Variants in RDH13 observed in about 807,000 individuals in gnomAD.
RDH13 encodes the protein retinol dehydrogenase 13 (all-trans and 9-cis).
A neutral mutation model predicts 28.3 loss-of-function variants in RDH13; 35 were observed. That is an observed-to-expected ratio of 1.24 (90% confidence interval 0.95 to 1.64). The LOEUF is 1.64. Ranked by LOEUF, RDH13 falls within the 40% of genes most tolerant of loss-of-function variation. RDH13 has a pLI of 0.00. For missense variants in RDH13, 514 were observed against 446.3 expected (o/e 1.15, Z -1.37); for synonymous variants, 229 against 198.5 (o/e 1.15, Z -1.29).
intron 5 of RDH13, among the ~76,000 whole-genome samples, 171 bp from the exon 6 acceptor site, chr19:55,047,659 G>A (rs184778151): frequency 9.2e-5 from 14 of 152,246 alleles, no homozygotes; most frequent in Middle Eastern, 3.4e-3. Flanking sequence ...CTTGCGGAGC[G>A]GCTCTGCCAC....
chr19:55,051,109 G>A (rs751134072), intron 3 of RDH13: 7 of 152,142 alleles, frequency 4.6e-5, no homozygotes, highest in Non-Finnish European at 1.0e-4. Context: ...CTGGGCACTG[G>A]AAATACAGGG....
At chr19:55,051,337 G>A (rs531491187) in intron 3 of RDH13, among the ~76,000 whole-genome samples, 148 of 152,362 alleles carry the variant, frequency 9.7e-4, no homozygotes, top group South Asian at 2.9e-3. Context: ...GGCGCAGCAC[G>A]GGTAAGGCCC....
At chr19:55,050,616 C>A (rs1193013117) in intron 3 of RDH13, 2 of 152,108 alleles carry the variant, frequency 1.3e-5, no homozygotes, top group African/African-American at 2.4e-5. Flanking sequence ...CGCAAATCTC[C>A]CCTTTTCATA....
intron 2 of RDH13, among the ~76,000 whole-genome samples, chr19:55,057,061 A>G (rs1300231825): frequency 6.6e-6 from 1 of 152,194 alleles, no homozygotes; most frequent in Non-Finnish European, 1.5e-5. Flanking sequence ...ATGCTACAGC[A>G]AGGATGACCG....
chr19:55,056,867 C>A, intron 2 of RDH13, 59 bp from the exon 3 acceptor site: 1 of 1,432,356 alleles, frequency 7.0e-7, no homozygotes. Flanking sequence ...GTACTGACCC[C>A]AGAGACATGA....
exon 3 of RDH13, chr19:55,039,186 AAAC>A (rs2074947474): frequency 6.6e-6 from 1 of 152,256 alleles, no homozygotes; most frequent in African/African-American, 2.4e-5. Context: ...AACAATGGAT[AAAC>A]AACATGTGGT....
chr19:55,041,078 A>G (rs62122049), downstream of RDH13: 21,882 of 152,310 alleles, frequency 0.14, 1,770 homozygotes, highest in Middle Eastern at 0.31. Context: ...GTGAGCCGAG[A>G]TTGCGCCACT....
At chr19:55,064,709 T>C (rs926387501), upstream of RDH13, among the ~76,000 whole-genome samples, 2 of 150,392 alleles carry the variant, frequency 1.3e-5, no homozygotes, top group Admixed American at 1.3e-4. Context: ...GCCTCCTAGG[T>C]TCAAGCGATT....
chr19:55,057,729 C>T (rs1413760670), intron 2 of RDH13, among the ~76,000 whole-genome samples: 1 of 152,064 alleles, frequency 6.6e-6, no homozygotes, highest in African/African-American at 2.4e-5. Flanking sequence ...CCACAATGCC[C>T]AGCCTCCAAT....
downstream of RDH13, chr19:55,044,048 C>G (rs1025255221): frequency 6.6e-6 from 1 of 151,838 alleles, no homozygotes; most frequent in Non-Finnish European, 1.5e-5. Context: ...TCCCGAGTAG[C>G]TGGGACTACA....
Position 55,049,962 on chromosome 19 carries a change from CTCT to C in RDH13, c.341-1202_341-1200del, listed in dbSNP as rs1026204654. ...CCCTTCCTCTTCCCTTTGGAGCTGT[CTCT>C]TTTTTTTTTTTCATTTTTCCTTTTT... On this transcript the variant is annotated intron_variant, in intron 3 of 6. Coordinates refer to ENST00000415061, the MANE Select transcript of RDH13 (RefSeq NM_001145971.2). 4.2e-5 allele frequency among the ~76,000 whole-genome samples: 6 copies of C among 142,412 alleles called. No homozygotes were observed. In the South Asian group the frequency reaches 1.1e-3, roughly 27 times the overall value. 93.4% of individuals were successfully genotyped at this position (142,412 alleles called of 152,430 possible).
chr19:55,063,063 G>GCGTCCGA lies in RDH13; in HGVS notation c.-32_-31insTCGGACG, dbSNP rs1555831241. On this transcript the variant is annotated 5_prime_UTR_variant, in exon 1 of 7. Transcript: ENST00000415061. ...GCCGGGGACAGGCGTCAGGCGTCAG[G>GCGTCCGA]GGTCGGCGCGGAGCTTGCTGCACAC... 7 of 1,334,988 alleles carry GCGTCCGA rather than the reference G, an allele frequency of 5.2e-6. No homozygotes were observed. The highest frequency in any genetic ancestry group is 2.2e-4 in the Middle Eastern group (1 of 4,508). The allele number at this position is 1,334,988 out of a possible 1,614,324, so 82.7% of individuals were successfully genotyped here.
chr19:55,052,587 G>GGCTCAAGCAATCCTCCCACCTCCACCTCC (rs1302212160), intron 3 of RDH13, among the ~76,000 whole-genome samples: 11 of 150,336 alleles, frequency 7.3e-5, no homozygotes, highest in African/African-American at 2.7e-4. Flanking sequence ...CAACCTCCCA[G>GGCTCAAGCAATCCTCCCACCTCCACCTCC]GCTCAAGCAA....
At chr19:55,054,501 G>A (rs914265172) in intron 3 of RDH13, among the ~76,000 whole-genome samples, 4 of 152,096 alleles carry the variant, frequency 2.6e-5, no homozygotes, top group African/African-American at 9.7e-5. Flanking sequence ...CAGGAGAATC[G>A]CTTGAACCCA....
At chr19:55,063,271 G>A (rs1380327572), upstream of RDH13, 4 of 394,722 alleles carry the variant, frequency 1.0e-5, no homozygotes, top group African/African-American at 8.3e-5. Context: ...GCTGGGATTG[G>A]TGGTTTCAGG....
chr19:55,051,314 G>A (rs775828), intron 3 of RDH13, among the ~76,000 whole-genome samples: 88,123 of 152,148 alleles, frequency 0.58, 25,902 homozygotes, highest in East Asian at 0.79. Flanking sequence ...AGGGAAGGGG[G>A]ATGCAGGCAG....
rs17296594 is a variant in RDH13, at chr19:55,047,388, G to A, written c.759C>T (p.Leu253=). ...IHGSTFSSTT[L]GPIFWLLVKS... is the part of the protein sequence containing the mutation. Reference sequence around the variant, plus strand: ...ACCCCAGGCTGGGAGGGGACTCACCGAGTGTGGTGCTGGAGAAGGTGGAGC... The same window carrying A: ...ACCCCAGGCTGGGAGGGGACTCACCAAGTGTGGTGCTGGAGAAGGTGGAGC... Residue 253 remains leucine (L), a splice_region_variant and synonymous_variant, in exon 6 of 7, where the codon CTC becomes CTT. Transcript: ENST00000415061. 2,938 of 1,611,364 alleles carry A rather than the reference G, an allele frequency of 1.8e-3. 35 individuals are homozygous for A. The African/African-American group carries it at 0.026, about 14-fold the overall frequency.
At chr19:55,043,510 C>CCT (rs56329026), downstream of RDH13, among the ~76,000 whole-genome samples, 102,434 of 151,386 alleles carry the variant, frequency 0.68, 34,917 homozygotes, top group East Asian at 0.82. Flanking sequence ...ATGGTGATAC[C>CCT]GTCTTTAATT....
chr19:55,048,105 C>G, intron 5 of RDH13: 1 of 1,518,818 alleles, frequency 6.6e-7, no homozygotes, highest in Non-Finnish European at 8.8e-7. Context: ...ACATCTGATC[C>G]AGGCAGACTA....
Sources: allele counts gnomAD v4.1 joint callset (sites outside exome capture counted in the v4.1 genomes callset), GRCh38; gene constraint gnomAD v4.1.1; transcripts MANE v1.5; gene names NCBI Gene and HGNC (gene_info 2026-07-23, HGNC 2026-07-21).